UCK2: variants seen among roughly 807,000 people sequenced by gnomAD.
UCK2 encodes uridine-cytidine kinase 2.
Under a neutral mutation model 30.8 loss-of-function variants are expected in UCK2, and 6 were observed. That is an observed-to-expected ratio of 0.19 (90% CI 0.11 to 0.38). The LOEUF is 0.38. Among genes scored for constraint, UCK2 ranks in the 10% least tolerant of loss-of-function variants. The pLI is 1.00. For synonymous variants in UCK2, 125 were observed against 133.6 expected (o/e 0.94, Z 0.45); for missense variants, 210 against 339.8 (o/e 0.62, Z 3.00).
At position 165,905,905 on chromosome 1, in the gene UCK2, C is replaced by T. The variant is rs1008576626; in HGVS notation, c.598-16C>T. On this transcript the variant is annotated splice_polypyrimidine_tract_variant and intron_variant, in intron 5 of 6. Coordinates refer to ENST00000367879, the MANE Select transcript of UCK2 (RefSeq NM_012474.5). ...TCTTAACTGTATTAATGCATATTAA[C>T]TGTCTTTCTCCACAGACAAAGAAGT... 5.0e-6 allele frequency: 8 copies of T among 1,613,198 alleles called. No individual in the cohort carries two copies. Among genetic ancestry groups the T allele is most frequent in the African/African-American group, 2.7e-5 (2 of 75,012 alleles).
At chr1:165,895,881 C>T in intron 3 of UCK2, 1 of 251,540 alleles carries the variant, frequency 4.0e-6, no homozygotes, top group Non-Finnish European at 7.4e-6. Flanking sequence ...TTTTGTCTGC[C>T]TTTATTCTTC....
At chr1:165,861,084 A>AT (rs1236381198) in intron 1 of UCK2, among the ~76,000 whole-genome samples, 1 of 152,122 alleles carries the variant, frequency 6.6e-6, no homozygotes, top group Non-Finnish European at 1.5e-5. Flanking sequence ...TGGGGGGCCC[A>AT]TTCTCTGCTT....
chr1:165,867,466 T>A (rs1198394178), intron 1 of UCK2, among the ~76,000 whole-genome samples: 2 of 152,168 alleles, frequency 1.3e-5, no homozygotes, highest in African/African-American at 4.8e-5. Flanking sequence ...AAATAAAAAA[T>A]TTAAAAAAAA....
intron 1 of UCK2, among the ~76,000 whole-genome samples, chr1:165,844,473 A>G (rs1490370197): frequency 6.6e-6 from 1 of 152,172 alleles, no homozygotes; most frequent in African/African-American, 2.4e-5. Context: ...GACACAGAGC[A>G]CCCTCAAACC....
chr1:165,885,908 T>A (rs2101879004), intron 1 of UCK2, among the ~76,000 whole-genome samples: 1 of 152,332 alleles, frequency 6.6e-6, no homozygotes, highest in South Asian at 2.1e-4. Context: ...TGTGGTAAAA[T>A]ACACATAACA....
chr1:165,869,817 T>C (rs952624234), intron 1 of UCK2, among the ~76,000 whole-genome samples: 1 of 151,954 alleles, frequency 6.6e-6, no homozygotes, highest in African/African-American at 2.4e-5. Flanking sequence ...CACCACCAGC[T>C]AATTTTTAAA....
chr1:165,851,451 T>C (rs1654593598), intron 1 of UCK2, among the ~76,000 whole-genome samples: 3 of 151,684 alleles, frequency 2.0e-5, no homozygotes, highest in Admixed American at 2.0e-4. Context: ...GTGTAGATAG[T>C]CTGGCTAATT....
chr1:165,839,197 G>A (rs1654267722), intron 1 of UCK2, among the ~76,000 whole-genome samples: 1 of 151,796 alleles, frequency 6.6e-6, no homozygotes, highest in South Asian at 2.1e-4. Context: ...TTTTTTATTA[G>A]TCAATGGCTA....
intron 4 of UCK2, among the ~76,000 whole-genome samples, chr1:165,899,796 AG>A (rs1205826698): frequency 6.6e-6 from 1 of 152,150 alleles, no homozygotes; most frequent in Non-Finnish European, 1.5e-5. Context: ...ACTCTGCCTG[AG>A]GAGAAGGGCC....
intron 1 of UCK2, among the ~76,000 whole-genome samples, chr1:165,831,227 C>T (rs114014312): frequency 9.2e-4 from 140 of 152,108 alleles, no homozygotes; most frequent in African/African-American, 3.3e-3. Context: ...AGAGAGACCC[C>T]GTCTCTACGA....
intron 1 of UCK2, among the ~76,000 whole-genome samples, chr1:165,864,963 A>G (rs965831943): frequency 1.3e-5 from 2 of 152,182 alleles, no homozygotes; most frequent in African/African-American, 4.8e-5. Context: ...TTGGGATTAC[A>G]GGTGTTAGCC....
intron 1 of UCK2, among the ~76,000 whole-genome samples, chr1:165,829,048 G>C (rs1411979342): frequency 6.6e-6 from 1 of 152,116 alleles, no homozygotes; most frequent in Admixed American, 6.5e-5. Flanking sequence ...CTCCCGAACC[G>C]ACTCGTCAGT....
intron 1 of UCK2, among the ~76,000 whole-genome samples, chr1:165,828,494 AGGGGTTTCCG>A (rs1363280347): frequency 1.3e-5 from 2 of 152,216 alleles, no homozygotes; most frequent in African/African-American, 4.8e-5. Context: ...TGGGGATTAC[AGGGGTTTCCG>A]GGTAAAAGTC....
At chr1:165,884,100 T>C (rs1474806320) in intron 1 of UCK2, among the ~76,000 whole-genome samples, 2 of 146,030 alleles carry the variant, frequency 1.4e-5, no homozygotes, top group African/African-American at 2.5e-5. Context: ...ACTTACTTTA[T>C]GATAGTGACA....
At chr1:165,875,306 C>T (rs1385368422) in intron 1 of UCK2, among the ~76,000 whole-genome samples, 1 of 152,144 alleles carries the variant, frequency 6.6e-6, no homozygotes, top group Non-Finnish European at 1.5e-5. Flanking sequence ...CAAGCCAGGT[C>T]CTGTGTGCCC....
intron 1 of UCK2, among the ~76,000 whole-genome samples, chr1:165,887,679 C>T (rs1279202255): frequency 6.6e-6 from 1 of 152,006 alleles, no homozygotes; most frequent in Non-Finnish European, 1.5e-5. Flanking sequence ...ACGTAAGAAA[C>T]GTCCTAAGAT....
Position 165,887,072 on chromosome 1 carries a change from A to G in UCK2, c.100-3132A>G, listed in dbSNP as rs112901738. ...GGTTGAGGTAAAGAGCCAGGACTCT[A>G]TGAAACCACATTACTTAACTTGGTT... is the stretch of plus-strand genomic sequence containing the variant. On this transcript the variant is annotated intron_variant, in intron 1 of 6. Coordinates refer to ENST00000367879, the MANE Select transcript of UCK2 (RefSeq NM_012474.5). Among the ~76,000 whole-genome samples, 21 of 152,358 alleles carry G rather than the reference A, an allele frequency of 1.4e-4. 1 individual carries two copies. The highest frequency in any genetic ancestry group is 4.8e-4 in the African/African-American group (20 of 41,582).
intron 1 of UCK2, among the ~76,000 whole-genome samples, chr1:165,842,708 G>T (rs1433713966): frequency 6.6e-6 from 1 of 152,180 alleles, no homozygotes; most frequent in Non-Finnish European, 1.5e-5. Flanking sequence ...ATTGCTGCTG[G>T]AGTGATCTTT....
chr1:165,897,364 C>G (rs186862095), intron 4 of UCK2, among the ~76,000 whole-genome samples: 5 of 151,884 alleles, frequency 3.3e-5, no homozygotes, highest in Admixed American at 6.6e-5. Flanking sequence ...CTGATCTAGA[C>G]GAGAGGCAGG....
Sources: allele counts gnomAD v4.1 joint callset (sites outside exome capture counted in the v4.1 genomes callset), GRCh38; gene constraint gnomAD v4.1.1; transcripts MANE v1.5; gene names NCBI Gene and HGNC (gene_info 2026-07-23, HGNC 2026-07-21).